Variants in C8orf88 observed in about 807,000 individuals in gnomAD.
C8orf88 encodes the protein chromosome 8 open reading frame 88.
In C8orf88, 14 loss-of-function variants were observed where a neutral mutation model predicts 18.4. That is an observed-to-expected ratio of 0.76 (90% CI 0.50 to 1.19). C8orf88 has a LOEUF of 1.19. Among genes scored for constraint, C8orf88 ranks in the 50% most tolerant of loss-of-function variants. The pLI, the probability that C8orf88 is intolerant of heterozygous loss-of-function variation, is 0.00. For synonymous variants in C8orf88, 45 were observed against 42.9 expected, an observed-to-expected ratio of 1.05 and a Z score of -0.19; for missense variants, 116 against 134.7, an observed-to-expected ratio of 0.86 and a Z score of 0.69.
chr8:90,982,621 A>C (rs1322269973), intron 1 of C8orf88, among the ~76,000 whole-genome samples: 1 of 152,158 alleles, frequency 6.6e-6, no homozygotes, highest in African/African-American at 2.4e-5. Flanking sequence ...AACACAAGTA[A>C]ATAAACAAAA....
chr8:90,981,695 T>C (rs914420532), intron 1 of C8orf88, among the ~76,000 whole-genome samples: 1 of 152,154 alleles, frequency 6.6e-6, no homozygotes, highest in Non-Finnish European at 1.5e-5. Flanking sequence ...AACCAGACCT[T>C]ATTTATTTTT....
chr8:90,964,473 C>T (rs1427571643), intron 4 of C8orf88, among the ~76,000 whole-genome samples: 4 of 151,622 alleles, frequency 2.6e-5, no homozygotes, highest in Admixed American at 2.6e-4. Context: ...TAACCAAATA[C>T]TGACAGTTTA....
At chr8:90,979,557 T>C (rs1811400995) in intron 2 of C8orf88, among the ~76,000 whole-genome samples, 1 of 152,192 alleles carries the variant, frequency 6.6e-6, no homozygotes, top group Non-Finnish European at 1.5e-5. Context: ...GATGGGAAAA[T>C]GAACACAGGA....
intron 4 of C8orf88, among the ~76,000 whole-genome samples, chr8:90,961,779 T>C (rs759249718): frequency 1.3e-4 from 19 of 151,432 alleles, no homozygotes; most frequent in Non-Finnish European, 2.5e-4. Context: ...CCACAGATAA[T>C]ATATAGATGA....
At chr8:90,973,276 G>A (rs1426736512) in intron 3 of C8orf88, among the ~76,000 whole-genome samples, 1 of 152,060 alleles carries the variant, frequency 6.6e-6, no homozygotes, top group East Asian at 1.9e-4. Context: ...AGTTAGCCTG[G>A]CAAACTGATG....
At chr8:90,982,108 G>C (rs186353465) in intron 1 of C8orf88, among the ~76,000 whole-genome samples, 7 of 152,184 alleles carry the variant, frequency 4.6e-5, no homozygotes, top group Admixed American at 4.6e-4. Context: ...AGATAACCCA[G>C]CAAGTACTTC....
Position 90,971,076 on chromosome 8 carries a change from T to A in C8orf88, c.213A>T (p.Pro71=), listed in dbSNP as rs913496594. The stretch of plus-strand genomic sequence containing the variant: ...ATGATAAAATTTTACCTTTCTTAAC[T>A]GGAGACTGCTGTTGCTGTTGCTCAT... ...GLNEQQQQQS[P]VKKERIKYSR... Residue 71 remains proline (P), a synonymous_variant, in exon 4 of 6, where the codon CCA becomes CCT. Transcript: ENST00000517562. 1 of 1,513,568 alleles carries A rather than the reference T, an allele frequency of 6.6e-7. No homozygotes were observed. Among genetic ancestry groups the A allele is most frequent in the African/African-American group, 1.4e-5 (1 of 72,208 alleles). The allele number at this position is 1,513,568 out of a possible 1,614,324, so 93.8% of individuals were successfully genotyped here.
At chr8:90,959,546 T>A (rs1193314485) in intron 5 of C8orf88, 1 of 151,474 alleles carries the variant, frequency 6.6e-6, no homozygotes, top group African/African-American at 2.4e-5. Flanking sequence ...TATTTATGCA[T>A]GAGAAGTATT....
chr8:90,960,859 T>G lies in C8orf88; in HGVS notation c.224-11A>C, dbSNP rs1353988686. ...TGTATTTAATTCTCTCTGTAGATAT[T>G]AAACATCAAATATAATGTTAGGAAA... On this transcript the variant is annotated splice_polypyrimidine_tract_variant and intron_variant, in intron 4 of 5. Coordinates refer to ENST00000517562, the MANE Select transcript of C8orf88 (RefSeq NM_001190972.2). The G allele has an allele frequency of 1.4e-6, 2 of 1,448,924 alleles. No homozygotes were observed. The highest frequency in any genetic ancestry group is 2.8e-5 in the African/African-American group (2 of 71,412). 89.8% of individuals were successfully genotyped at this position (1,448,924 alleles called of 1,614,324 possible).
intron 4 of C8orf88, among the ~76,000 whole-genome samples, chr8:90,970,563 C>T (rs1563553584): frequency 6.6e-6 from 1 of 151,984 alleles, no homozygotes; most frequent in Non-Finnish European, 1.5e-5. Context: ...CCCAGTCTAC[C>T]CTGCCAGTAG....
At chr8:90,984,838 G>T (rs1438866789) in intron 1 of C8orf88, among the ~76,000 whole-genome samples, 2 of 152,146 alleles carry the variant, frequency 1.3e-5, no homozygotes, top group Non-Finnish European at 2.9e-5. Flanking sequence ...TTTTGGCGAT[G>T]GCTTTGGTCT....
intron 1 of C8orf88, 148 bp from the exon 2 acceptor site, chr8:90,980,609 T>C (rs1372011748): frequency 5.8e-6 from 3 of 515,024 alleles, no homozygotes; most frequent in South Asian, 2.9e-5. Context: ...TAATATGCAA[T>C]ACTCAGACTC....
intron 1 of C8orf88, among the ~76,000 whole-genome samples, chr8:90,982,690 T>C (rs550579776): frequency 6.6e-6 from 1 of 152,190 alleles, no homozygotes; most frequent in Admixed American, 6.5e-5. Flanking sequence ...GATACAGCAA[T>C]GGCTCCCTGT....
rs368270383 is a variant in C8orf88, at chr8:90,964,236, TAATC to T, written c.224-3392_224-3389del. Among the ~76,000 whole-genome samples the T allele has an allele frequency of 1.4e-3, 216 of 151,824 alleles. 1 individual carries two copies. The highest frequency in any genetic ancestry group is 5.1e-3 in the African/African-American group (212 of 41,506). ...AGATTCTTCACACATAGATACATCA[TAATC>T]AATCTGTCAATGAAAATCTTGAGGT... On this transcript the variant is annotated intron_variant, in intron 4 of 5. Transcript: ENST00000517562.
intron 4 of C8orf88, among the ~76,000 whole-genome samples, chr8:90,964,745 A>G (rs1291297569): frequency 2.0e-5 from 3 of 151,706 alleles, no homozygotes; most frequent in Non-Finnish European, 3.0e-5. Flanking sequence ...TTATGACAAC[A>G]ACAACATAAA....
intron 3 of C8orf88, among the ~76,000 whole-genome samples, chr8:90,971,492 T>C (rs554241535): frequency 5.9e-5 from 9 of 152,232 alleles, no homozygotes; most frequent in Admixed American, 2.6e-4. Flanking sequence ...AACACATTTT[T>C]ATTCACAAAA....
intron 1 of C8orf88, among the ~76,000 whole-genome samples, chr8:90,983,689 G>A (rs1431503582): frequency 1.3e-5 from 2 of 152,010 alleles, no homozygotes; most frequent in African/African-American, 4.8e-5. Context: ...ATGAACGGTG[G>A]AAGAAAATTA....
At chr8:90,978,495 T>A in intron 3 of C8orf88, 84 bp downstream of exon 3, 1 of 697,884 alleles carries the variant, frequency 1.4e-6, no homozygotes, top group Non-Finnish European at 2.2e-6. Context: ...TATATAAGCA[T>A]AGTATCTGGC....
intron 4 of C8orf88, among the ~76,000 whole-genome samples, chr8:90,965,056 C>T (rs1419933109): frequency 1.3e-5 from 2 of 151,350 alleles, no homozygotes; most frequent in Non-Finnish European, 1.5e-5. Context: ...ATGTACTAAA[C>T]TTTTCAATTA....
Sources: gnomAD v4.1 joint callset for allele counts (sites outside exome capture counted in the v4.1 genomes callset) on GRCh38, gnomAD v4.1.1 for gene constraint, MANE v1.5 for transcripts, NCBI Gene and HGNC (gene_info 2026-07-23, HGNC 2026-07-21) for gene names.